The following MBOAT7 variants were observed in gnomAD, a reference collection of about 807,000 sequenced individuals.
MBOAT7 encodes the protein membrane bound acylglycerophosphatidylinositol O-acyltransferase MBOAT7.
In MBOAT7, 40 loss-of-function variants were observed where a neutral mutation model predicts 47.4. The observed-to-expected ratio is 0.84, with a 90% confidence interval of 0.66 to 1.10. The LOEUF (loss-of-function observed/expected upper bound fraction) is 1.10. Ranked by LOEUF, MBOAT7 falls within the 50% of genes least tolerant of loss-of-function variation. The pLI, the probability that MBOAT7 is intolerant of heterozygous loss-of-function variation, is 0.00. For missense variants in MBOAT7, 680 were observed against 655.6 expected (o/e 1.04, Z -0.41); for synonymous variants, 361 against 292.0 (o/e 1.24, Z -2.41).
intron 5 of MBOAT7, 105 bp from the exon 6 acceptor site, chr19:54,181,238 G>T: frequency 7.4e-7 from 1 of 1,351,564 alleles, no homozygotes; most frequent in South Asian, 1.5e-5. Flanking sequence ...AAGAGGGAGT[G>T]AGAGGGGCAG....
chr19:54,173,931 GAGGAA>G lies in MBOAT7; in HGVS notation c.*108_*112del. 7.6e-7 allele frequency: 1 copy of G among 1,310,840 alleles called. No homozygotes were observed. The highest frequency in any genetic ancestry group is 2.7e-5 in the East Asian group (1 of 36,612). 81.2% of individuals were successfully genotyped at this position (1,310,840 alleles called of 1,614,324 possible). ...GCAGGCAGGGTATTTAGCTGGGGAA[GAGGAA>G]ATTCTCTCCAGGACCCTCTCCAAGG... On this transcript the variant is annotated 3_prime_UTR_variant, in exon 8 of 8. Coordinates refer to ENST00000245615, the MANE Select transcript of MBOAT7 (RefSeq NM_024298.5).
rs1217380588 is a variant in MBOAT7 at position 54,189,386 on chromosome 19, G to A, written c.-52C>T. ...GCGGCCGAGCAGTCCCAGCCCGCTT[G>A]CCGCCGCAGCTCCGGCCACGCCTCC... On this transcript the variant is annotated 5_prime_UTR_variant, in exon 1 of 8. Coordinates refer to ENST00000245615, the MANE Select transcript of MBOAT7 (RefSeq NM_024298.5). 2 of 152,804 alleles carry A rather than the reference G, an allele frequency of 1.3e-5. No individual in the cohort carries two copies. The highest frequency in any genetic ancestry group is 2.9e-5 in the Non-Finnish European group (2 of 68,494). The allele number at this position is 152,804 out of a possible 1,614,324, so 9.5% of individuals were successfully genotyped here.
chr19:54,181,815 G>A (rs1555837128), intron 5 of MBOAT7, among the ~76,000 whole-genome samples: 28 of 19,616 alleles, frequency 1.4e-3, no homozygotes, highest in South Asian at 3.9e-3. Context: ...GGGAAGGAAG[G>A]AGGGAGGGAA....
intron 4 of MBOAT7, among the ~76,000 whole-genome samples, chr19:54,185,167 T>C (rs2076397454): frequency 6.6e-6 from 1 of 152,124 alleles, no homozygotes. Context: ...ATCACACCAC[T>C]GCACTCCAGC....
intron 6 of MBOAT7, chr19:54,179,241 A>G (rs565465418): frequency 4.0e-6 from 2 of 500,642 alleles, no homozygotes; most frequent in Admixed American, 7.3e-5. Context: ...CTAAGCTATG[A>G]GTCCTTTAGC....
At chr19:54,175,307 G>A (rs1487627911) in intron 7 of MBOAT7, among the ~76,000 whole-genome samples, 1 of 152,136 alleles carries the variant, frequency 6.6e-6, no homozygotes, top group Non-Finnish European at 1.5e-5. Flanking sequence ...TGGGGTCCCA[G>A]GTCTGGCATC....
At chr19:54,176,595 C>T (rs553895790) in intron 7 of MBOAT7, among the ~76,000 whole-genome samples, 1 of 152,234 alleles carries the variant, frequency 6.6e-6, no homozygotes, top group East Asian at 1.9e-4. Flanking sequence ...CCCTGGCCCC[C>T]ACCCACGACA....
At chr19:54,175,108 T>C (rs1005051893) in intron 7 of MBOAT7, among the ~76,000 whole-genome samples, 4 of 151,906 alleles carry the variant, frequency 2.6e-5, no homozygotes, top group Admixed American at 2.6e-4. Flanking sequence ...CCCGAGTAGC[T>C]GGGACTACAG....
chr19:54,177,231 C>T (rs943079543), intron 7 of MBOAT7, among the ~76,000 whole-genome samples: 1 of 151,422 alleles, frequency 6.6e-6, no homozygotes, highest in Non-Finnish European at 1.5e-5. Flanking sequence ...TGGGTCTTCC[C>T]CTTCCACATT....
chr19:54,178,293 A>AT lies in MBOAT7; in HGVS notation c.1031+471dup, dbSNP rs57222547. 1,076 of 1,004,200 alleles carry AT rather than the reference A, an allele frequency of 1.1e-3. 5 individuals carry two copies. In the African/African-American group the frequency reaches 0.016, roughly 15 times the overall value. The allele number at this position is 1,004,200 out of a possible 1,614,324, so 62.2% of individuals were successfully genotyped here. A position where few individuals can be genotyped will look rare whatever the true frequency, so the allele number is the denominator to read the frequency against. The stretch of plus-strand genomic sequence containing the variant: ...AGAAATATTGGAAGAATGAAAAACA[A>AT]TAAAAATGAATACACAGCACGCACT... On this transcript the variant is annotated intron_variant, in intron 7 of 7. Coordinates refer to ENST00000245615, the MANE Select transcript of MBOAT7 (RefSeq NM_024298.5).
chr19:54,174,136 G>A lies in MBOAT7; in HGVS notation c.1327C>T (p.Leu443=). The A allele has an allele frequency of 1.2e-6, 2 of 1,600,632 alleles. No homozygotes were observed. The highest frequency in any genetic ancestry group is 2.2e-5 in the East Asian group (1 of 44,446). ...CTGCCCCCACCTAAAGCCAGCCCCA[G>A]CCCCAGGGCTGCCAGGGCCAGGAAG... is the stretch of plus-strand genomic sequence containing the variant. ...IHFLALAALG[L]GLALGGGSPS... Residue 443 remains leucine (L), a synonymous_variant, in exon 8 of 8, where the codon CTG becomes TTG. Transcript: ENST00000245615.
At chr19:54,177,143 G>T (rs1240131071) in intron 7 of MBOAT7, among the ~76,000 whole-genome samples, 1 of 63,088 alleles carries the variant, frequency 1.6e-5, no homozygotes, top group African/African-American at 6.1e-5. Flanking sequence ...CTGGGTGACA[G>T]AGCATCAAAA....
rs748251560 is a variant in MBOAT7, at chr19:54,189,367, G to A, written c.-33C>T. On this transcript the variant is annotated 5_prime_UTR_variant, in exon 1 of 8. Coordinates refer to ENST00000245615, the MANE Select transcript of MBOAT7 (RefSeq NM_024298.5). The stretch of plus-strand genomic sequence containing the variant: ...GCTGCTCGCCGGGCAGGAGGCGGCC[G>A]AGCAGTCCCAGCCCGCTTGCCGCCG... 140 of 152,362 alleles carry A rather than the reference G, an allele frequency of 9.2e-4. No individual in the cohort carries two copies. Among genetic ancestry groups the A allele is most frequent in the Non-Finnish European group, 1.3e-3 (92 of 68,188 alleles). The allele number at this position is 152,362 out of a possible 1,614,324, so 9.4% of individuals were successfully genotyped here. A position where few individuals can be genotyped will look rare whatever the true frequency, so the allele number is the denominator to read the frequency against.
At chr19:54,182,783 C>T (rs1156385214) in intron 5 of MBOAT7, among the ~76,000 whole-genome samples, 1 of 152,106 alleles carries the variant, frequency 6.6e-6, no homozygotes, top group African/African-American at 2.4e-5. Flanking sequence ...TCACTGCAAA[C>T]TCCGTCTCGT....
chr19:54,178,792 C>T lies in MBOAT7; in HGVS notation c.1004G>A (p.Ser335Asn). The T allele has an allele frequency of 5.0e-6, 8 of 1,613,422 alleles. No individual in the cohort carries two copies. The highest frequency in any genetic ancestry group is 6.8e-6 in the Non-Finnish European group (8 of 1,180,020). The change falls in exon 7 of 8, where the codon AGC (serine) becomes AAC (asparagine). Residue 335 changes from serine (S) to asparagine (N), a missense_variant. Transcript: ENST00000245615. ...CAGGACATAGGAACGGGCAGGTGCG[C>T]TCTTGTAGATATACTGCGCCAGCCA... ...QWWLAQYIYK[S>N]APARSYVLRS...
chr19:54,181,049 C>A lies in MBOAT7; in HGVS notation c.578G>T (p.Arg193Leu). Residue 193 changes from arginine (R) to leucine (L), a missense_variant, in exon 6 of 8, where the codon CGC becomes CTC. Physicochemically the swap from Arg to Leu is moderately radical, Grantham distance 102. Transcript: ENST00000245615. ...GAAGAGCGGGGCCGGCCAGGCGCGG[C>A]GCAGCAGGGGCCGCAGGCTGGGCAC... is the stretch of plus-strand genomic sequence containing the variant. ...GAVPSLRPLL[R>L]RAWPAPLFGL... 1.3e-6 allele frequency: 2 copies of A among 1,545,372 alleles called. No homozygotes were observed. The highest frequency in any genetic ancestry group is 1.7e-6 in the Non-Finnish European group (2 of 1,145,284).
At chr19:54,185,943 G>A (rs186615557) in intron 4 of MBOAT7, among the ~76,000 whole-genome samples, 19 of 152,108 alleles carry the variant, frequency 1.2e-4, no homozygotes, top group South Asian at 4.1e-4. Flanking sequence ...TGATCTACCC[G>A]CGTCAGCCTC....
At position 54,175,184 on chromosome 19, in the gene MBOAT7, T is replaced by A. The variant is rs529744997; in HGVS notation, c.1032-753A>T. On this transcript the variant is annotated intron_variant, in intron 7 of 7. Coordinates refer to ENST00000245615, the MANE Select transcript of MBOAT7 (RefSeq NM_024298.5). ...TAGTAGAGACGGGGTTTCACCGTGT[T>A]AGCCAGGATGGTCTCGATCTCCTGA... 2.6e-5 allele frequency among the ~76,000 whole-genome samples: 4 copies of A among 152,138 alleles called. No homozygotes were observed. In the South Asian group the frequency reaches 8.3e-4, roughly 31 times the overall value.
intron 7 of MBOAT7, 139 bp downstream of exon 7, chr19:54,178,626 G>A: frequency 6.9e-7 from 1 of 1,439,228 alleles, no homozygotes; most frequent in Non-Finnish European, 9.1e-7. Context: ...TAGAGGCAGG[G>A]CAAAACCAGG....
Sources: allele counts gnomAD v4.1 joint callset (sites outside exome capture counted in the v4.1 genomes callset), GRCh38; gene constraint gnomAD v4.1.1; transcripts MANE v1.5; gene names NCBI Gene and HGNC (gene_info 2026-07-23, HGNC 2026-07-21).